GALNT13: variants seen among roughly 807,000 people sequenced by gnomAD.
GALNT13 encodes the protein UDP-GalNAc:polypeptide N-acetylgalactosaminyltransferase 13.
A neutral mutation model predicts 64.2 loss-of-function variants in GALNT13; 28 were observed. The ratio of observed to expected loss-of-function variants is 0.44; its 90% CI spans 0.32 to 0.60. The LOEUF is 0.60. Among genes scored for constraint, GALNT13 ranks in the 20% least tolerant of loss-of-function variants. The probability of loss-of-function intolerance (pLI) is 0.05; values close to 1 mark genes in which losing one functional copy is unlikely to be tolerated. For missense variants in GALNT13, 577 were observed against 669.8 expected, an observed-to-expected ratio of 0.86 and a Z score of 1.53; for synonymous variants, 214 against 224.6, an observed-to-expected ratio of 0.95 and a Z score of 0.42.
chr2:153,866,127 CA>C, the GALNT13 span, among the ~76,000 whole-genome samples: 1 of 110,774 alleles, frequency 9.0e-6, no homozygotes, highest in African/African-American at 3.5e-5. Context: ...CACATGGACA[CA>C]GGAAGGGGAA....
intron 11 of GALNT13, among the ~76,000 whole-genome samples, chr2:154,410,330 A>G (rs1319036921): frequency 1.3e-5 from 2 of 151,970 alleles, no homozygotes; most frequent in African/African-American, 4.8e-5. Flanking sequence ...CTCACATAAT[A>G]AAAATTCTGA....
chr2:153,689,749 C>G, the GALNT13 span, among the ~76,000 whole-genome samples: 2 of 152,080 alleles, frequency 1.3e-5, no homozygotes, highest in Non-Finnish European at 2.9e-5. Context: ...CCTGACTCTT[C>G]AAGACTTTCA....
At chr2:153,547,772 A>C in the GALNT13 span, among the ~76,000 whole-genome samples, 1 of 152,176 alleles carries the variant, frequency 6.6e-6, no homozygotes, top group East Asian at 1.9e-4. Flanking sequence ...GGGCAAGATA[A>C]GATAGTGTTA....
chr2:154,356,703 C>A (rs1407014842), intron 9 of GALNT13, among the ~76,000 whole-genome samples: 2 of 151,854 alleles, frequency 1.3e-5, no homozygotes, highest in Non-Finnish European at 2.9e-5. Context: ...CTTTTTATTA[C>A]CTTTGCCATA....
At chr2:154,047,663 T>C (rs1332982150) in intron 3 of GALNT13, among the ~76,000 whole-genome samples, 1 of 152,218 alleles carries the variant, frequency 6.6e-6, no homozygotes, top group Non-Finnish European at 1.5e-5. Context: ...TGGGCTATTG[T>C]TATTTTTCTA....
At chr2:153,579,957 G>A in the GALNT13 span, among the ~76,000 whole-genome samples, 2 of 152,140 alleles carry the variant, frequency 1.3e-5, no homozygotes, top group East Asian at 1.9e-4. Flanking sequence ...GGGGACCAGT[G>A]TCTTACAGAA....
chr2:153,901,207 C>T (rs544429767), intron 2 of GALNT13, among the ~76,000 whole-genome samples, 200 bp downstream of exon 2: 7 of 152,108 alleles, frequency 4.6e-5, no homozygotes, highest in African/African-American at 1.7e-4. Context: ...TGTATCAGTG[C>T]CTTGCAGTTT....
chr2:153,617,736 G>A, the GALNT13 span, among the ~76,000 whole-genome samples: 1 of 151,702 alleles, frequency 6.6e-6, no homozygotes, highest in Non-Finnish European at 1.5e-5. Flanking sequence ...CTTGTTACCT[G>A]TTACTGGTCA....
At chr2:153,687,460 T>TA in the GALNT13 span, among the ~76,000 whole-genome samples, 1 of 151,916 alleles carries the variant, frequency 6.6e-6, no homozygotes, top group African/African-American at 2.4e-5. Context: ...TCTCTGATGG[T>TA]GTTTATATTT....
the GALNT13 span, among the ~76,000 whole-genome samples, chr2:153,489,521 G>A: frequency 2.0e-5 from 3 of 152,208 alleles, no homozygotes; most frequent in Non-Finnish European, 4.4e-5. Context: ...AGTTGGTGGG[G>A]CATGTTTATT....
the GALNT13 span, among the ~76,000 whole-genome samples, chr2:153,353,913 C>G: frequency 2.8e-4 from 43 of 152,172 alleles, no homozygotes; most frequent in South Asian, 1.7e-3. Flanking sequence ...GCCTGCCTGA[C>G]AGAATGGGTT....
At chr2:153,689,070 ATGTGTGTGTGTGTG>A in the GALNT13 span, among the ~76,000 whole-genome samples, 1 of 127,744 alleles carries the variant, frequency 7.8e-6, no homozygotes, top group Non-Finnish European at 1.6e-5. Context: ...CCGCGTGTGT[ATGTGTGTGTGTGTG>A]TGTGTGTGTG....
At chr2:153,416,379 C>T in the GALNT13 span, among the ~76,000 whole-genome samples, 3 of 152,168 alleles carry the variant, frequency 2.0e-5, no homozygotes, top group Admixed American at 1.3e-4. Flanking sequence ...TTGTTGACTT[C>T]GTCCATCTAA....
chr2:153,207,943 T>A, the GALNT13 span: 1 of 152,304 alleles, frequency 6.6e-6, no homozygotes, highest in South Asian at 2.1e-4. Context: ...TTCATTCTTC[T>A]TTAGAACTTT....
At chr2:153,491,681 C>T in the GALNT13 span, among the ~76,000 whole-genome samples, 17 of 151,838 alleles carry the variant, frequency 1.1e-4, no homozygotes, top group South Asian at 2.3e-3. Context: ...AGTGCAGTGG[C>T]GTGATCTTGG....
the GALNT13 span, among the ~76,000 whole-genome samples, chr2:153,198,673 AC>A: frequency 3.3e-5 from 5 of 151,578 alleles, no homozygotes; most frequent in Non-Finnish European, 7.4e-5. Flanking sequence ...TACCTTCCTC[AC>A]TCTTTTGCCT....
At chr2:154,013,601 C>T (rs1696794529) in intron 3 of GALNT13, among the ~76,000 whole-genome samples, 2 of 152,096 alleles carry the variant, frequency 1.3e-5, no homozygotes, top group South Asian at 4.1e-4. Flanking sequence ...AGAGAAGAAG[C>T]GGCACAGCAG....
the GALNT13 span, among the ~76,000 whole-genome samples, chr2:153,793,204 C>G: frequency 6.6e-6 from 1 of 151,964 alleles, no homozygotes; most frequent in Non-Finnish European, 1.5e-5. Flanking sequence ...GATTTCTTGA[C>G]CTTGTGATCC....
intron 11 of GALNT13, chr2:154,437,833 G>T: frequency 6.2e-6 from 1 of 161,340 alleles, no homozygotes; most frequent in Non-Finnish European, 1.2e-5. Flanking sequence ...CCAGCCTGAC[G>T]ACAGAGCAAG....
Sources: gnomAD v4.1 joint callset for allele counts (sites outside exome capture counted in the v4.1 genomes callset) on GRCh38, gnomAD v4.1.1 for gene constraint, MANE v1.5 for transcripts, NCBI Gene and HGNC (gene_info 2026-07-23, HGNC 2026-07-21) for gene names.